The following CUL3 variants were observed in gnomAD, a reference collection of about 807,000 sequenced individuals.
CUL3 encodes cullin 3.
In CUL3, 19 loss-of-function variants were observed where a neutral mutation model predicts 89.1. That is an observed-to-expected ratio of 0.21 (90% CI 0.15 to 0.31). The LOEUF (loss-of-function observed/expected upper bound fraction) is 0.31, where lower values mean the gene tolerates loss of function less well. Among genes scored for constraint, CUL3 ranks in the 10% least tolerant of loss-of-function variants. The probability of loss-of-function intolerance (pLI) is 1.00; values close to 1 mark genes in which losing one functional copy is unlikely to be tolerated. For missense variants in CUL3, 469 were observed against 942.3 expected (o/e 0.50, Z 6.58); for synonymous variants, 351 against 308.4 (o/e 1.14, Z -1.45).
intron 3 of CUL3, among the ~76,000 whole-genome samples, chr2:224,531,547 ACT>A (rs60866817): frequency 0.18 from 27,899 of 151,952 alleles, 2,868 homozygotes; most frequent in South Asian, 0.27. Flanking sequence ...GTACACAAAC[ACT>A]GTTTCCATCC....
chr2:224,505,167 C>T (rs1275665545), intron 8 of CUL3, among the ~76,000 whole-genome samples: 1 of 135,446 alleles, frequency 7.4e-6, no homozygotes, highest in East Asian at 2.2e-4. Flanking sequence ...GACGGAGTTT[C>T]GCTATTGTTG....
intron 1 of CUL3, among the ~76,000 whole-genome samples, chr2:224,567,505 A>G (rs1456860539): frequency 6.6e-6 from 1 of 152,076 alleles, no homozygotes; most frequent in African/African-American, 2.4e-5. Context: ...CTTGGGAGGA[A>G]GAGGTGGGCG....
At chr2:224,532,771 G>A (rs1574664903) in intron 3 of CUL3, among the ~76,000 whole-genome samples, 1 of 152,248 alleles carries the variant, frequency 6.6e-6, no homozygotes, top group East Asian at 1.9e-4. Flanking sequence ...TGCTGGTTGA[G>A]TAAGATCCAA....
At chr2:224,500,576 C>T (rs1374177703) in intron 10 of CUL3, 89 bp from the exon 11 acceptor site, 4 of 1,195,336 alleles carry the variant, frequency 3.3e-6, no homozygotes, top group Non-Finnish European at 4.7e-6. Flanking sequence ...TTTACCAAAG[C>T]AGTTAGCTCC....
Position 224,471,413 on chromosome 2 carries a change from C to A in CUL3, c.*2832G>T, listed in dbSNP as rs935737024. On this transcript the variant is annotated 3_prime_UTR_variant, in exon 16 of 16. Transcript: ENST00000264414. ...TAATATTTAGAAACCTAAGATGATG[C>A]CAGTGTACTAGTCTTCTAGAGATGT... 2 of 198,606 alleles carry A rather than the reference C, an allele frequency of 1.0e-5. No homozygotes were observed. Among genetic ancestry groups the A allele is most frequent in the African/African-American group, 4.6e-5 (2 of 43,476 alleles). The allele number at this position is 198,606 out of a possible 1,614,324, so 12.3% of individuals were successfully genotyped here.
chr2:224,581,008 G>A (rs1695423122), intron 1 of CUL3, among the ~76,000 whole-genome samples: 1 of 152,052 alleles, frequency 6.6e-6, no homozygotes, highest in Non-Finnish European at 1.5e-5. Flanking sequence ...GATCAAATGT[G>A]CAGCACAGTT....
At chr2:224,567,656 C>T (rs1369184164) in intron 1 of CUL3, among the ~76,000 whole-genome samples, 1 of 151,830 alleles carries the variant, frequency 6.6e-6, no homozygotes, top group Admixed American at 6.6e-5. Context: ...AGGAGAATGG[C>T]GTGAACCCAG....
At chr2:224,583,471 A>C (rs1054590596) in intron 1 of CUL3, among the ~76,000 whole-genome samples, 2 of 152,216 alleles carry the variant, frequency 1.3e-5, no homozygotes, top group African/African-American at 4.8e-5. Context: ...TCACTCACAA[A>C]TGCATAACCC....
At chr2:224,534,862 G>A (rs1017350350) in intron 3 of CUL3, among the ~76,000 whole-genome samples, 6 of 151,594 alleles carry the variant, frequency 4.0e-5, no homozygotes, top group Non-Finnish European at 8.8e-5. Context: ...ATAGCCGGGC[G>A]TGGTGACGGG....
At position 224,564,931 on chromosome 2, in the gene CUL3, C is replaced by G. The variant is rs74676216; in HGVS notation, c.67-7075G>C. On this transcript the variant is annotated intron_variant, in intron 1 of 15. Transcript: ENST00000264414. Reference sequence around the variant, plus strand: ...AATTATACAAGCTAGAAACATAAGCCTTATATTTTTTCTTATCTCTCATCT... The same window carrying G: ...AATTATACAAGCTAGAAACATAAGCGTTATATTTTTTCTTATCTCTCATCT... 1.1e-3 allele frequency among the ~76,000 whole-genome samples: 170 copies of G among 152,258 alleles called. 3 individuals are homozygous for G. In the East Asian group the frequency reaches 0.022, roughly 20 times the overall value.
intron 1 of CUL3, among the ~76,000 whole-genome samples, chr2:224,564,718 C>A (rs771414945): frequency 6.6e-6 from 1 of 152,120 alleles, no homozygotes; most frequent in Admixed American, 6.5e-5. Flanking sequence ...CAAATCTATA[C>A]TGCCTGCCCA....
Position 224,500,184 on chromosome 2 carries a change from T to G in CUL3, c.1610+179A>C. On this transcript the variant is annotated intron_variant, in intron 11 of 15. Transcript: ENST00000264414. ...AGAGATAAATTATGCCTGCTTTACTTTACTCATCAAGATCCTATAGAGGGG... is the reference window on the plus strand; with the variant it reads ...AGAGATAAATTATGCCTGCTTTACTGTACTCATCAAGATCCTATAGAGGGG... 5 of 564,876 alleles carry G rather than the reference T, an allele frequency of 8.9e-6. No individual in the cohort carries two copies. In the South Asian group the frequency reaches 1.3e-4, roughly 15 times the overall value. 35.0% of individuals were successfully genotyped at this position (564,876 alleles called of 1,614,324 possible).
intron 12 of CUL3, among the ~76,000 whole-genome samples, chr2:224,496,203 G>C (rs965812324): frequency 6.6e-6 from 1 of 152,094 alleles, no homozygotes; most frequent in Non-Finnish European, 1.5e-5. Context: ...GCTAACTTTT[G>C]TATTTTTTGT....
At chr2:224,506,163 T>C in intron 7 of CUL3, 31 bp from the exon 8 acceptor site, 21 of 1,444,844 alleles carry the variant, frequency 1.5e-5, no homozygotes, top group Non-Finnish European at 1.9e-5. Flanking sequence ...TTAGGACACA[T>C]TATAATAATT....
At chr2:224,575,265 G>A (rs1290643763) in intron 1 of CUL3, among the ~76,000 whole-genome samples, 1 of 152,176 alleles carries the variant, frequency 6.6e-6, no homozygotes, top group Non-Finnish European at 1.5e-5. Flanking sequence ...AGGCAAGAAA[G>A]GGGAGAGGAA....
intron 3 of CUL3, among the ~76,000 whole-genome samples, chr2:224,534,704 C>T (rs1399934780): frequency 1.3e-5 from 2 of 152,110 alleles, no homozygotes; most frequent in East Asian, 1.9e-4. Context: ...TATTCATGGC[C>T]GGGCACAGTG....
At chr2:224,563,662 G>C (rs1405594357) in intron 1 of CUL3, among the ~76,000 whole-genome samples, 2 of 152,132 alleles carry the variant, frequency 1.3e-5, no homozygotes, top group Non-Finnish European at 2.9e-5. Flanking sequence ...ATTTTATGTA[G>C]TATGATGAAA....
intron 3 of CUL3, among the ~76,000 whole-genome samples, chr2:224,534,818 T>C (rs569671401): frequency 1.7e-4 from 26 of 151,476 alleles, no homozygotes; most frequent in African/African-American, 6.3e-4. Context: ...CCGTCTCTAC[T>C]AAAAAGAAAA....
chr2:224,533,251 G>C (rs533575762), intron 3 of CUL3, among the ~76,000 whole-genome samples: 1 of 152,112 alleles, frequency 6.6e-6, no homozygotes, highest in South Asian at 2.1e-4. Flanking sequence ...AAGATGAAGG[G>C]ACAAGAAATA....
Sources: allele counts gnomAD v4.1 joint callset (sites outside exome capture counted in the v4.1 genomes callset), GRCh38; gene constraint gnomAD v4.1.1; transcripts MANE v1.5; gene names NCBI Gene and HGNC (gene_info 2026-07-23, HGNC 2026-07-21).